Variants in ZBTB7C observed in about 807,000 individuals in gnomAD.
ZBTB7C encodes the protein zinc finger and BTB domain-containing protein 7C.
ZBTB7C carries 8 observed loss-of-function variants against 25.7 expected under a neutral mutation model. That is an observed-to-expected ratio of 0.31 (90% CI 0.18 to 0.56). The LOEUF (loss-of-function observed/expected upper bound fraction) is 0.56, where lower values mean the gene tolerates loss of function less well. Ranked by LOEUF, ZBTB7C falls within the 20% of genes least tolerant of loss-of-function variation. ZBTB7C has a pLI of 0.91. For missense variants in ZBTB7C, 824 were observed against 855.2 expected, an observed-to-expected ratio of 0.96 and a Z score of 0.46; for synonymous variants, 394 against 369.0, an observed-to-expected ratio of 1.07 and a Z score of -0.78.
intron 1 of ZBTB7C, among the ~76,000 whole-genome samples, chr18:48,356,185 G>A (rs1292044427): frequency 1.3e-5 from 2 of 152,174 alleles, no homozygotes; most frequent in African/African-American, 4.8e-5. Flanking sequence ...GCTAGGGAAG[G>A]GGCAGGCATC....
chr18:48,048,672 C>T (rs1236413900), intron 3 of ZBTB7C, among the ~76,000 whole-genome samples: 2 of 152,170 alleles, frequency 1.3e-5, no homozygotes, highest in African/African-American at 4.8e-5. Context: ...AGGATGCAGA[C>T]ATCTTATGGG....
chr18:48,280,594 C>G (rs1236962691), intron 2 of ZBTB7C, among the ~76,000 whole-genome samples: 6 of 152,150 alleles, frequency 3.9e-5, no homozygotes, highest in Admixed American at 3.3e-4. Context: ...AACCCTGTGA[C>G]TAGCCACACC....
At chr18:48,169,998 C>T (rs1026613358) in intron 3 of ZBTB7C, 1 of 152,248 alleles carries the variant, frequency 6.6e-6, no homozygotes, top group Non-Finnish European at 1.5e-5. Context: ...CCACCCCTCA[C>T]CTCTCCTGAC....
chr18:48,350,947 T>A (rs1473641526), intron 1 of ZBTB7C, among the ~76,000 whole-genome samples: 1 of 151,956 alleles, frequency 6.6e-6, no homozygotes, highest in East Asian at 1.9e-4. Flanking sequence ...GCTGATGGAC[T>A]CTTAAGTTGT....
chr18:48,031,766 A>T (rs959707737), intron 4 of ZBTB7C, among the ~76,000 whole-genome samples: 6 of 152,204 alleles, frequency 3.9e-5, no homozygotes, highest in Non-Finnish European at 7.3e-5. Context: ...CAAAGCCTCC[A>T]CTATGTAGGT....
intron 3 of ZBTB7C, among the ~76,000 whole-genome samples, chr18:48,171,499 G>A (rs977111915): frequency 2.0e-5 from 3 of 152,228 alleles, no homozygotes; most frequent in South Asian, 4.1e-4. Flanking sequence ...GCAACTATGC[G>A]GCTGGAAGGA....
At chr18:48,402,357 A>C (rs1258285325) in intron 1 of ZBTB7C, among the ~76,000 whole-genome samples, 2 of 152,206 alleles carry the variant, frequency 1.3e-5, no homozygotes, top group Non-Finnish European at 2.9e-5. Context: ...AATACTACAC[A>C]TCCATTACAA....
chr18:48,296,243 G>A (rs1175669271), intron 2 of ZBTB7C, among the ~76,000 whole-genome samples: 3 of 152,142 alleles, frequency 2.0e-5, no homozygotes, highest in Non-Finnish European at 2.9e-5. Flanking sequence ...CATGCAGGAT[G>A]GGGAGGGGGC....
chr18:48,040,220 C>A lies in ZBTB7C; in HGVS notation c.888G>T (p.Glu296Asp). Residue 296 changes from glutamate (E) to aspartate (D), a missense_variant, in exon 4 of 5, where the codon GAG becomes GAT. Physicochemically the swap from Glu to Asp is conservative, Grantham distance 45 (BLOSUM62 2). Around this residue, in one of 4 missense-constraint regions of ZBTB7C, gnomAD observed 316 missense variants for 299.2 expected, o/e 1.06. Transcript: ENST00000590800. ...NRKIKEEEKE[E>D]LPPPPPPPFP... Reference sequence around the variant, plus strand: ...AGGGTGGCGGTGGGGGTGGGGGCAGCTCCTCCTTCTCCTCCTCCTTGATCT... The same window carrying A: ...AGGGTGGCGGTGGGGGTGGGGGCAGATCCTCCTTCTCCTCCTCCTTGATCT... 1 of 1,568,788 alleles carries A rather than the reference C, an allele frequency of 6.4e-7. No homozygotes were observed. The highest frequency in any genetic ancestry group is 8.6e-7 in the Non-Finnish European group (1 of 1,159,632).
At chr18:48,123,448 G>A (rs1043774708) in intron 3 of ZBTB7C, among the ~76,000 whole-genome samples, 4 of 152,364 alleles carry the variant, frequency 2.6e-5, no homozygotes, top group South Asian at 2.1e-4. Context: ...TATGCAGGGC[G>A]TCAGAGGCCT....
intron 2 of ZBTB7C, among the ~76,000 whole-genome samples, chr18:48,286,921 G>C (rs1004172445): frequency 6.6e-6 from 1 of 151,968 alleles, no homozygotes; most frequent in Non-Finnish European, 1.5e-5. Context: ...GCATGGTGGC[G>C]CACACCTGTA....
At chr18:48,111,866 C>T (rs1051630193) in intron 3 of ZBTB7C, among the ~76,000 whole-genome samples, 3 of 152,064 alleles carry the variant, frequency 2.0e-5, no homozygotes, top group African/African-American at 7.2e-5. Flanking sequence ...AATTTCGGAC[C>T]CTGAAATTAT....
intron 2 of ZBTB7C, among the ~76,000 whole-genome samples, chr18:48,191,459 C>T (rs550020228): frequency 6.6e-6 from 1 of 152,358 alleles, no homozygotes; most frequent in Admixed American, 6.5e-5. Flanking sequence ...AATAAAAGAA[C>T]AAGGAGAAAC....
At chr18:48,259,801 C>T (rs2044119716) in intron 2 of ZBTB7C, among the ~76,000 whole-genome samples, 1 of 152,148 alleles carries the variant, frequency 6.6e-6, no homozygotes, top group South Asian at 2.1e-4. Flanking sequence ...AAAATCAAAA[C>T]CACAATGATA....
intron 2 of ZBTB7C, among the ~76,000 whole-genome samples, chr18:48,239,972 T>C (rs550110575): frequency 6.3e-4 from 96 of 151,626 alleles, no homozygotes; most frequent in African/African-American, 2.3e-3. Flanking sequence ...AAAAATAATA[T>C]AAGATATGGA....
At chr18:48,157,248 G>A (rs137958596) in intron 3 of ZBTB7C, among the ~76,000 whole-genome samples, 7 of 152,288 alleles carry the variant, frequency 4.6e-5, no homozygotes, top group Non-Finnish European at 1.0e-4. Flanking sequence ...AATATAAATA[G>A]CATAGAAATA....
chr18:48,113,241 A>G (rs2144677127), intron 3 of ZBTB7C, among the ~76,000 whole-genome samples: 1 of 152,324 alleles, frequency 6.6e-6, no homozygotes, highest in South Asian at 2.1e-4. Context: ...AATCCCTTCT[A>G]AGCCTCAGTT....
intron 3 of ZBTB7C, among the ~76,000 whole-genome samples, chr18:48,064,503 G>T (rs1294464717): frequency 1.3e-5 from 2 of 152,248 alleles, no homozygotes; most frequent in South Asian, 4.1e-4. Context: ...AGCACTTTGG[G>T]AGGCCGAGGC....
chr18:48,292,592 C>T (rs182166440), intron 2 of ZBTB7C, among the ~76,000 whole-genome samples: 12 of 152,290 alleles, frequency 7.9e-5, no homozygotes, highest in Non-Finnish European at 1.8e-4. Context: ...GCCTCATGCT[C>T]GTCTGCTGCA....
Sources: allele counts gnomAD v4.1 joint callset (sites outside exome capture counted in the v4.1 genomes callset), GRCh38; gene constraint gnomAD v4.1.1; regional missense constraint gnomAD v4.1.1; transcripts MANE v1.5; gene names NCBI Gene and HGNC (gene_info 2026-07-23, HGNC 2026-07-21).